The following TMTC4 variants were observed in gnomAD, a reference collection of about 807,000 sequenced individuals.
TMTC4 encodes transmembrane O-mannosyltransferase targeting cadherins 4.
Under a neutral mutation model 86.0 loss-of-function variants are expected in TMTC4, and 65 were observed. The observed-to-expected ratio is 0.76, with a 90% CI of 0.62 to 0.93. TMTC4 has a LOEUF of 0.93. TMTC4 is among the 40% of genes least tolerant of loss of function. The pLI, the probability that TMTC4 is intolerant of heterozygous loss-of-function variation, is 0.00. For synonymous variants in TMTC4, 379 were observed against 382.5 expected (o/e 0.99, Z 0.11); for missense variants, 866 against 948.1 (o/e 0.91, Z 1.14).
rs562116572 is a variant in TMTC4 at position 100,667,103 on chromosome 13, G to C, written c.219+1476C>G. On this transcript the variant is annotated intron_variant, in intron 3 of 18. Transcript: ENST00000342624. Reference sequence around the variant, plus strand: ...GAATCATCTACAGTAACTGCTGAGTGAATCTGAGGAAAATTACAAATGAAG... The same window carrying C: ...GAATCATCTACAGTAACTGCTGAGTCAATCTGAGGAAAATTACAAATGAAG... Among the ~76,000 whole-genome samples, 5 of 152,304 alleles carry C rather than the reference G, an allele frequency of 3.3e-5. No individual in the cohort carries two copies. The South Asian group carries it at 1.0e-3, about 32-fold the overall frequency.
intron 1 of TMTC4, among the ~76,000 whole-genome samples, chr13:100,673,556 G>C (rs1887407009): frequency 6.6e-6 from 1 of 152,132 alleles, no homozygotes; most frequent in African/African-American, 2.4e-5. Context: ...TCAGACCCTG[G>C]GCCCCTCAAG....
rs80352189 is a variant in TMTC4 at position 100,631,502 on chromosome 13, T to G, written c.1506+3303A>C. ...AACTAAAAATGATTATAAGTATACT[T>G]GGTATCTCATCCACAGTAGTCTCAG... On this transcript the variant is annotated intron_variant, in intron 12 of 18. Coordinates refer to ENST00000342624, the MANE Select transcript of TMTC4 (RefSeq NM_032813.5). 5.4e-3 allele frequency among the ~76,000 whole-genome samples: 822 copies of G among 152,338 alleles called. 5 individuals are homozygous for G. Among genetic ancestry groups the G allele is most frequent in the South Asian group, 0.019 (91 of 4,832 alleles).
chr13:100,620,120 T>TA (rs996331518), intron 15 of TMTC4, among the ~76,000 whole-genome samples: 1 of 152,154 alleles, frequency 6.6e-6, no homozygotes, highest in Non-Finnish European at 1.5e-5. Flanking sequence ...ATCCAGGAAG[T>TA]AGATGGGTAA....
At chr13:100,607,271 C>G (rs1876779408) in intron 17 of TMTC4, among the ~76,000 whole-genome samples, 1 of 152,226 alleles carries the variant, frequency 6.6e-6, no homozygotes, top group South Asian at 2.1e-4. Flanking sequence ...AATCCCAACA[C>G]TTTGGGAAGC....
At chr13:100,645,080 G>A (rs542473498) in intron 6 of TMTC4, among the ~76,000 whole-genome samples, 3 of 152,274 alleles carry the variant, frequency 2.0e-5, no homozygotes, top group Non-Finnish European at 4.4e-5. Context: ...CCAAAGTGCT[G>A]GGATTACAGG....
In TMTC4 at chr13:100,614,310, CTG is replaced by C; in HGVS notation, c.1951+4_1951+5del. ...CCTGTGATTTGTTCCATCCAGCTTTCTGTACCTGTATTGTCGAGGAGTATAAT... is the reference window on the plus strand; with the variant it reads ...CCTGTGATTTGTTCCATCCAGCTTTCTACCTGTATTGTCGAGGAGTATAAT... On this transcript the variant is annotated splice_donor_5th_base_variant and intron_variant, in intron 16 of 18. Coordinates refer to ENST00000342624, the MANE Select transcript of TMTC4 (RefSeq NM_032813.5). The C allele has an allele frequency of 1.9e-6, 3 of 1,608,246 alleles. No individual in the cohort carries two copies. The highest frequency in any genetic ancestry group is 2.6e-6 in the Non-Finnish European group (3 of 1,175,504).
chr13:100,648,736 G>C (rs1884056062), intron 6 of TMTC4, among the ~76,000 whole-genome samples: 1 of 152,220 alleles, frequency 6.6e-6, no homozygotes, highest in Non-Finnish European at 1.5e-5. Flanking sequence ...CTGGAGTACA[G>C]TAGCATGATC....
intron 5 of TMTC4, among the ~76,000 whole-genome samples, chr13:100,659,237 T>C (rs1197829628): frequency 2.6e-5 from 4 of 152,196 alleles, no homozygotes; most frequent in African/African-American, 4.8e-5. Flanking sequence ...CTGGGTTCAT[T>C]AGACAGACAG....
intron 6 of TMTC4, among the ~76,000 whole-genome samples, chr13:100,655,455 T>C (rs1283685108): frequency 6.6e-6 from 1 of 152,206 alleles, no homozygotes; most frequent in East Asian, 1.9e-4. Flanking sequence ...ACGTTAACAG[T>C]GAGGTAGTGA....
intron 6 of TMTC4, among the ~76,000 whole-genome samples, chr13:100,651,585 A>T (rs1884454035): frequency 6.7e-6 from 1 of 150,294 alleles, no homozygotes; most frequent in Non-Finnish European, 1.5e-5. Context: ...AGGATTCCAG[A>T]GGTTAGGACA....
At chr13:100,615,063 G>A (rs1878258109) in intron 15 of TMTC4, 1 of 352,206 alleles carries the variant, frequency 2.8e-6, no homozygotes, top group Non-Finnish European at 4.0e-6. Context: ...GCAATTTTGA[G>A]TTTGTTTGCT....
At chr13:100,675,051 C>A (rs1002335495), upstream of TMTC4, 6 of 985,710 alleles carry the variant, frequency 6.1e-6, no homozygotes, top group Non-Finnish European at 7.2e-6. Context: ...GCGAAGGAGG[C>A]GCAGGGACAG....
intron 1 of TMTC4, among the ~76,000 whole-genome samples, chr13:100,672,246 A>T (rs1012654911): frequency 6.6e-6 from 1 of 152,216 alleles, no homozygotes; most frequent in Non-Finnish European, 1.5e-5. Context: ...GCAGTAGCCC[A>T]TCGGGTGACC....
At chr13:100,624,369 AAAAG>A (rs1319857537) in intron 15 of TMTC4, 1 of 139,138 alleles carries the variant, frequency 7.2e-6, no homozygotes, top group African/African-American at 2.7e-5. Context: ...AAAAAATAAA[AAAAG>A]AAAGAGACAC....
chr13:100,625,762 A>G lies in TMTC4; in HGVS notation c.1694+23T>C. 1.9e-6 allele frequency: 3 copies of G among 1,611,024 alleles called. No individual in the cohort carries two copies. The South Asian group carries it at 3.3e-5, about 18-fold the overall frequency. The stretch of plus-strand genomic sequence containing the variant: ...AGGAGCTCCTTTCTTTGTCACTAGC[A>G]TAATTATAAAAACAATGCTTACTGT... On this transcript the variant is annotated intron_variant, in intron 14 of 18. Transcript: ENST00000342624.
At chr13:100,653,608 T>C (rs1433195672) in intron 6 of TMTC4, among the ~76,000 whole-genome samples, 1 of 152,154 alleles carries the variant, frequency 6.6e-6, no homozygotes, top group Non-Finnish European at 1.5e-5. Context: ...AGAATCCACG[T>C]GGCTCTGCGC....
intron 15 of TMTC4, 78 bp downstream of exon 15, chr13:100,625,457 T>A: frequency 6.4e-7 from 1 of 1,558,352 alleles, no homozygotes; most frequent in Non-Finnish European, 8.8e-7. Context: ...GCTAGGTGGG[T>A]GTCACTATGT....
chr13:100,634,729 AAT>A, intron 12 of TMTC4, 74 bp downstream of exon 12: 1 of 1,527,674 alleles, frequency 6.5e-7, no homozygotes, highest in Non-Finnish European at 8.8e-7. Context: ...CGCGACAGGA[AAT>A]GTTCTTATTC....
rs1353417253 is a variant in TMTC4 at position 100,635,021 on chromosome 13, T to C, written c.1374+3A>G. 5.0e-6 allele frequency: 8 copies of C among 1,611,066 alleles called. No homozygotes were observed. Among genetic ancestry groups the C allele is most frequent in the Non-Finnish European group, 6.8e-6 (8 of 1,178,170 alleles). On this transcript the variant is annotated splice_donor_region_variant and intron_variant, in intron 11 of 18. Coordinates refer to ENST00000342624, the MANE Select transcript of TMTC4 (RefSeq NM_032813.5). Reference sequence around the variant, plus strand: ...ATCAGCTGGCACCACTCTCAGTTGATACCTTTTTCTTGGTATGTTTGCTCA... The same window carrying C: ...ATCAGCTGGCACCACTCTCAGTTGACACCTTTTTCTTGGTATGTTTGCTCA...
Sources: allele counts gnomAD v4.1 joint callset (sites outside exome capture counted in the v4.1 genomes callset), GRCh38; gene constraint gnomAD v4.1.1; transcripts MANE v1.5; gene names NCBI Gene and HGNC (gene_info 2026-07-23, HGNC 2026-07-21).